Variants in DYDC2 observed in about 807,000 individuals in gnomAD.
DYDC2 encodes DPY30 domain containing 2, also known as DPY30 domain-containing protein 2.
DYDC2 carries 19 observed loss-of-function variants against 18.7 expected under a neutral mutation model. The ratio of observed to expected loss-of-function variants is 1.02; its 90% CI spans 0.71 to 1.49. The LOEUF (loss-of-function observed/expected upper bound fraction) is 1.49. DYDC2 is among the 40% of genes most tolerant of loss of function. DYDC2 has a pLI of 0.00. For synonymous variants in DYDC2, 63 were observed against 67.6 expected, an observed-to-expected ratio of 0.93 and a Z score of 0.34; for missense variants, 179 against 205.1, an observed-to-expected ratio of 0.87 and a Z score of 0.78.
upstream of DYDC2, chr10:80,352,501 G>A: frequency 6.2e-7 from 1 of 1,613,038 alleles, no homozygotes. Flanking sequence ...AATCCACAAT[G>A]CTAAATATTC....
rs1032729095 is a variant in DYDC2, at chr10:80,346,444, CTTTTTTTTTTT to C, written c.-310+1646_-310+1656del. 3.4e-4 allele frequency among the ~76,000 whole-genome samples: 28 copies of C among 83,358 alleles called. No individual in the cohort carries two copies. The East Asian group carries it at 3.7e-3, about 11-fold the overall frequency. The allele number at this position is 83,358 out of a possible 152,430, so 54.7% of individuals were successfully genotyped here. Reference sequence around the variant, plus strand: ...TCACCAATGTGTGTCTCTTCCCTTTCTTTTTTTTTTTTTTTTTTTTTTTTTTTCTTTTTTGA... The same window carrying C: ...TCACCAATGTGTGTCTCTTCCCTTTCTTTTTTTTTTTTTTTTCTTTTTTGA... On this transcript the variant is annotated intron_variant, in intron 1 of 4. Transcript: ENST00000372197.
chr10:80,366,843 T>C lies in DYDC2; in HGVS notation c.426T>C (p.Ala142=). 2 of 1,614,240 alleles carry C rather than the reference T, an allele frequency of 1.2e-6. No homozygotes were observed. Among genetic ancestry groups the C allele is most frequent in the African/African-American group, 2.7e-5 (2 of 75,060 alleles). Residue 142 remains alanine, a synonymous_variant, in exon 5 of 5, where the codon GCT becomes GCC. Coordinates refer to ENST00000256039, the MANE Select transcript of DYDC2 (RefSeq NM_032372.6). ...AACAGGTTCCTCCTTCAGAGTCTGC[T>C]GGCCAGATTGACCAGAACTTCAAAA... is the stretch of plus-strand genomic sequence containing the variant. ...MPQQVPPSES[A]GQIDQNFKMP...
chr10:80,346,444 C>CTT (rs1032729095), intron 1 of DYDC2, among the ~76,000 whole-genome samples: 1,598 of 83,226 alleles, frequency 0.019, 242 homozygotes, highest in South Asian at 0.07. Context: ...TCTTCCCTTT[C>CTT]TTTTTTTTTT....
intron 4 of DYDC2, among the ~76,000 whole-genome samples, chr10:80,363,324 T>A (rs962467592): frequency 6.0e-5 from 9 of 148,772 alleles, no homozygotes; most frequent in Non-Finnish European, 1.2e-4. Context: ...TTACTGGTTT[T>A]AAAAAAAATC....
rs540817324 is a variant in DYDC2, at chr10:80,366,615, T to C, written c.271-73T>C. 5 of 1,499,642 alleles carry C rather than the reference T, an allele frequency of 3.3e-6. No homozygotes were observed. The East Asian group carries it at 9.2e-5, about 27-fold the overall frequency. The allele number at this position is 1,499,642 out of a possible 1,614,324, so 92.9% of individuals were successfully genotyped here. On this transcript the variant is annotated intron_variant, in intron 4 of 4. Coordinates refer to ENST00000256039, the MANE Select transcript of DYDC2 (RefSeq NM_032372.6). ...GTCTCTGGCATGAAAATAGCAATAC[T>C]GTGTTTTTGCCATACATCTTGTGTG...
At chr10:80,354,050 A>G (rs1377611326), upstream of DYDC2, among the ~76,000 whole-genome samples, 5 of 151,394 alleles carry the variant, frequency 3.3e-5, 1 homozygote. Context: ...TGGGAGGCGG[A>G]GCTTGCAGTG....
chr10:80,356,916 G>A, intron 1 of DYDC2, 91 bp downstream of exon 1: 2 of 947,500 alleles, frequency 2.1e-6, no homozygotes, highest in South Asian at 4.9e-5. Context: ...GCAGAGTAGA[G>A]GGGGCGCGGC....
At chr10:80,366,568 G>T in intron 4 of DYDC2, 120 bp from the exon 5 acceptor site, 1 of 1,197,172 alleles carries the variant, frequency 8.4e-7, no homozygotes, top group Non-Finnish European at 1.2e-6. Context: ...GTTAAAGCAG[G>T]GCTATTTCAG....
chr10:80,366,764 C>A lies in DYDC2; in HGVS notation c.347C>A (p.Ala116Asp), dbSNP rs1272547533. The stretch of plus-strand genomic sequence containing the variant: ...GACACAAACCCCCTTGAGAAGGAGG[C>A]CTTGAAGCAGGAATTCCTGCCAGGT... ...QEDTNPLEKEALKQEFLPGTS... is the reference protein window; with the variant it reads ...QEDTNPLEKEDLKQEFLPGTS... Residue 116 changes from alanine (A) to aspartate (D), a missense_variant, in exon 5 of 5, where the codon GCC becomes GAC. Physicochemically the swap from Ala to Asp is moderately radical, Grantham distance 126. Coordinates refer to ENST00000256039, the MANE Select transcript of DYDC2 (RefSeq NM_032372.6). The A allele has an allele frequency of 3.1e-6, 5 of 1,613,986 alleles. No homozygotes were observed. The highest frequency in any genetic ancestry group is 4.2e-6 in the Non-Finnish European group (5 of 1,180,012).
Position 80,359,043 on chromosome 10 carries a change from G to A in DYDC2, c.-10+998G>A, listed in dbSNP as rs115666462. The stretch of plus-strand genomic sequence containing the variant: ...AAAGAACAAAGCTTCCAGTGTGGAA[G>A]GGAACCCAGAGCAGGTTGCAGCTGC... On this transcript the variant is annotated intron_variant, in intron 2 of 4. Transcript: ENST00000256039. Among the ~76,000 whole-genome samples, 1,377 of 152,320 alleles carry A rather than the reference G, an allele frequency of 9.0e-3. 27 individuals are homozygous for A. The highest frequency in any genetic ancestry group is 0.031 in the African/African-American group (1,287 of 41,568).
chr10:80,345,956 C>T (rs1842594859), intron 1 of DYDC2, among the ~76,000 whole-genome samples: 1 of 152,192 alleles, frequency 6.6e-6, no homozygotes, highest in South Asian at 2.1e-4. Flanking sequence ...ATCCTCCCAC[C>T]TCAGCTTCCT....
intron 1 of DYDC2, among the ~76,000 whole-genome samples, chr10:80,351,029 A>C (rs188968618): frequency 3.5e-4 from 54 of 152,200 alleles, no homozygotes; most frequent in Non-Finnish European, 6.3e-4. Flanking sequence ...CACGATTATC[A>C]GTACTTGATC....
At chr10:80,357,163 GGCAACGGGCAGAGA>G (rs1843433694) in intron 1 of DYDC2, among the ~76,000 whole-genome samples, 1 of 148,518 alleles carries the variant, frequency 6.7e-6, no homozygotes, top group Non-Finnish European at 1.5e-5. Context: ...CGCACGAGGG[GGCAACGGGCAGAGA>G]GGAGAGGGAA....
exon 1 of DYDC2, chr10:80,344,765 T>G (rs1227419083): frequency 3.1e-6 from 1 of 327,314 alleles, no homozygotes; most frequent in Non-Finnish European, 5.9e-6. Flanking sequence ...ATGTAAGAAG[T>G]GCCTTTCGCC....
upstream of DYDC2, chr10:80,356,348 C>A: frequency 1.0e-6 from 1 of 985,866 alleles, no homozygotes; most frequent in Non-Finnish European, 1.2e-6. Flanking sequence ...AAGGAGATTC[C>A]TTACCCACAC....
At chr10:80,362,400 G>A (rs980611680) in intron 2 of DYDC2, 35 bp from the exon 3 acceptor site, 8 of 1,592,282 alleles carry the variant, frequency 5.0e-6, no homozygotes, top group African/African-American at 4.0e-5. Flanking sequence ...GATTAAGTTT[G>A]TAAAATAGTG....
upstream of DYDC2, chr10:80,356,371 TAGCCAGCC>T: frequency 1.0e-6 from 1 of 985,738 alleles, no homozygotes; most frequent in Non-Finnish European, 1.2e-6. Context: ...GGGAGACAGC[TAGCCAGCC>T]AGCCAGCCAA....
In DYDC2 at chr10:80,346,444, C is replaced by CTTTTTTTTTTTTTTT. The variant is rs1032729095; in HGVS notation, c.-310+1642_-310+1656dup. Among the ~76,000 whole-genome samples the CTTTTTTTTTTTTTTT allele has an allele frequency of 9.1e-3, 757 of 83,368 alleles. 97 individuals are homozygous for CTTTTTTTTTTTTTTT. Among genetic ancestry groups the CTTTTTTTTTTTTTTT allele is most frequent in the African/African-American group, 0.018 (356 of 20,128 alleles). The allele number at this position is 83,368 out of a possible 152,430, so 54.7% of individuals were successfully genotyped here. On this transcript the variant is annotated intron_variant, in intron 1 of 4. Coordinates refer to the DYDC2 transcript ENST00000372197. ...TCACCAATGTGTGTCTCTTCCCTTT[C>CTTTTTTTTTTTTTTT]TTTTTTTTTTTTTTTTTTTTTTTTT... is the stretch of plus-strand genomic sequence containing the variant.
chr10:80,358,115 C>G, intron 2 of DYDC2, 70 bp downstream of exon 2: 2 of 961,852 alleles, frequency 2.1e-6, no homozygotes, highest in African/African-American at 1.8e-5. Flanking sequence ...GGTGGCTCAC[C>G]GCCTGTAATC....
Sources: allele counts gnomAD v4.1 joint callset (sites outside exome capture counted in the v4.1 genomes callset), GRCh38; gene constraint gnomAD v4.1.1; transcripts MANE v1.5; gene names NCBI Gene and HGNC (gene_info 2026-07-23, HGNC 2026-07-21).